WDR7: variants seen among roughly 807,000 people sequenced by gnomAD.
WDR7 encodes the protein WD repeat domain 7, also known as WD repeat-containing protein 7.
A neutral mutation model predicts 169.4 loss-of-function variants in WDR7; 46 were observed. The observed-to-expected ratio is 0.27, with a 90% CI of 0.21 to 0.35. The LOEUF (loss-of-function observed/expected upper bound fraction) is 0.35. Among genes scored for constraint, WDR7 ranks in the 10% least tolerant of loss-of-function variants. The pLI, the probability that WDR7 is intolerant of heterozygous loss-of-function variation, is 1.00. For synonymous variants in WDR7, 612 were observed against 666.8 expected, an observed-to-expected ratio of 0.92 and a Z score of 1.27; for missense variants, 1,534 against 1,859.3, an observed-to-expected ratio of 0.83 and a Z score of 3.22.
intron 25 of WDR7, among the ~76,000 whole-genome samples, chr18:56,953,518 C>A (rs2047210882): frequency 6.6e-6 from 1 of 152,222 alleles, no homozygotes; most frequent in South Asian, 2.1e-4. Context: ...CTGAAAATTT[C>A]CAATTCATTC....
chr18:56,667,251 A>G (rs2025044820), intron 1 of WDR7, among the ~76,000 whole-genome samples: 1 of 152,106 alleles, frequency 6.6e-6, no homozygotes. Context: ...GCCAAACCCC[A>G]TGACTTATTG....
intron 14 of WDR7, among the ~76,000 whole-genome samples, chr18:56,753,008 G>T (rs2043820145): frequency 6.6e-6 from 1 of 152,268 alleles, no homozygotes; most frequent in East Asian, 1.9e-4. Flanking sequence ...AACTTGGAAG[G>T]GTAAGCAGCA....
chr18:56,674,911 C>T (rs1482001309), intron 2 of WDR7, among the ~76,000 whole-genome samples: 1 of 152,144 alleles, frequency 6.6e-6, no homozygotes, highest in Non-Finnish European at 1.5e-5. Flanking sequence ...TATCCTAGCA[C>T]TATTGGTCAG....
chr18:56,926,794 T>G (rs2046814884), intron 22 of WDR7, among the ~76,000 whole-genome samples: 1 of 152,256 alleles, frequency 6.6e-6, no homozygotes, highest in African/African-American at 2.4e-5. Context: ...AAATGTTTGC[T>G]TATTAATCTA....
intron 13 of WDR7, 24 bp downstream of exon 13, chr18:56,718,183 C>A (rs2026234884): frequency 6.8e-7 from 1 of 1,466,576 alleles, no homozygotes; most frequent in South Asian, 1.5e-5. Flanking sequence ...TGAAGAGATA[C>A]TATAGAAAAT....
intron 26 of WDR7, among the ~76,000 whole-genome samples, chr18:56,995,930 TG>T (rs1255356453): frequency 6.6e-6 from 1 of 152,208 alleles, no homozygotes; most frequent in Non-Finnish European, 1.5e-5. Flanking sequence ...ATATAGAAGC[TG>T]GGCTCCACAG....
chr18:56,815,964 T>A, intron 19 of WDR7, 67 bp from the exon 20 acceptor site: 1 of 1,335,648 alleles, frequency 7.5e-7, no homozygotes, highest in Non-Finnish European at 1.0e-6. Context: ...TTAAAAATCT[T>A]CAAACTTTCT....
chr18:56,677,673 T>G (rs560382491), intron 2 of WDR7, among the ~76,000 whole-genome samples: 1 of 152,244 alleles, frequency 6.6e-6, no homozygotes, highest in Non-Finnish European at 1.5e-5. Flanking sequence ...TGTCTTTTCT[T>G]TTTTGGCTTT....
At chr18:56,838,826 G>T (rs2045434809) in intron 20 of WDR7, among the ~76,000 whole-genome samples, 5 of 152,174 alleles carry the variant, frequency 3.3e-5, no homozygotes, top group Admixed American at 1.3e-4. Context: ...ATTTTTAAGG[G>T]TTTGAAATTT....
chr18:56,752,748 G>T (rs551674226), intron 14 of WDR7, among the ~76,000 whole-genome samples: 3 of 152,296 alleles, frequency 2.0e-5, no homozygotes, highest in African/African-American at 7.2e-5. Context: ...TAGAACAGAA[G>T]TTTACCCACA....
At chr18:56,663,309 A>G (rs2024945142) in intron 1 of WDR7, among the ~76,000 whole-genome samples, 1 of 147,714 alleles carries the variant, frequency 6.8e-6, no homozygotes, top group Non-Finnish European at 1.5e-5. Flanking sequence ...ATAAAACTTG[A>G]GTATTTTGTT....
intron 20 of WDR7, among the ~76,000 whole-genome samples, chr18:56,845,037 G>T (rs978440266): frequency 1.4e-4 from 21 of 152,016 alleles, no homozygotes; most frequent in African/African-American, 4.6e-4. Context: ...ATAGGATTTG[G>T]TGCTATCTGA....
chr18:56,972,940 T>C (rs1325674747), intron 26 of WDR7, among the ~76,000 whole-genome samples: 1 of 152,174 alleles, frequency 6.6e-6, no homozygotes, highest in African/African-American at 2.4e-5. Flanking sequence ...CTCGGCTCAC[T>C]GCAACCTCTG....
chr18:56,773,457 G>T (rs900767638), intron 16 of WDR7, among the ~76,000 whole-genome samples: 2 of 151,840 alleles, frequency 1.3e-5, no homozygotes, highest in Non-Finnish European at 2.9e-5. Context: ...AGGAAATATC[G>T]AATGGGAATT....
intron 14 of WDR7, among the ~76,000 whole-genome samples, chr18:56,735,229 C>T (rs2026674249): frequency 6.6e-6 from 1 of 152,042 alleles, no homozygotes; most frequent in African/African-American, 2.4e-5. Context: ...GAAGCTGTTG[C>T]ATAAGTTGAA....
intron 13 of WDR7, among the ~76,000 whole-genome samples, chr18:56,719,698 G>GACA (rs1568156954): frequency 3.3e-5 from 5 of 151,820 alleles, no homozygotes; most frequent in African/African-American, 1.2e-4. Context: ...TTCATAAACT[G>GACA]AATATATGGA....
intron 21 of WDR7, among the ~76,000 whole-genome samples, chr18:56,880,819 T>C (rs2046095779): frequency 6.6e-6 from 1 of 152,184 alleles, no homozygotes; most frequent in African/African-American, 2.4e-5. Flanking sequence ...CTGTGCTTGG[T>C]ATGTTAATAA....
At position 56,939,367 on chromosome 18, in the gene WDR7, TC is replaced by T; in HGVS notation, c.4039del (p.Gln1347LysfsTer22). On this transcript the variant is annotated frameshift_variant, in exon 25 of 28. Coordinates refer to ENST00000254442, the MANE Select transcript of WDR7 (RefSeq NM_015285.3). LOFTEE classifies it high-confidence loss of function. ...GATCTTTAGTTAAAAAGAAAGGTCTTCAAGAATGTTTCCCAGCCATCTGCAG... is the reference window on the plus strand; with the variant it reads ...GATCTTTAGTTAAAAAGAAAGGTCTTAAGAATGTTTCCCAGCCATCTGCAG... ...EGSLVKKKGL[Q>X]ECFPAICRFY... The T allele has an allele frequency of 6.3e-7, 1 of 1,577,602 alleles. No individual in the cohort carries two copies.
At chr18:56,817,982 A>G (rs2045011738) in intron 20 of WDR7, among the ~76,000 whole-genome samples, 1 of 152,084 alleles carries the variant, frequency 6.6e-6, no homozygotes, top group East Asian at 1.9e-4. Flanking sequence ...TGACCTTGTG[A>G]TCCACCTGCC....
Sources: allele counts gnomAD v4.1 joint callset (sites outside exome capture counted in the v4.1 genomes callset), GRCh38; gene constraint gnomAD v4.1.1; transcripts MANE v1.5; gene names NCBI Gene and HGNC (gene_info 2026-07-23, HGNC 2026-07-21).